Variants in SOX5 observed in about 807,000 individuals in gnomAD.
The protein encoded by SOX5 is transcription factor SOX-5.
Under a neutral mutation model 92.0 loss-of-function variants are expected in SOX5, and 9 were observed. That is an observed-to-expected ratio of 0.10 (90% confidence interval 0.06 to 0.17). The LOEUF (loss-of-function observed/expected upper bound fraction) is 0.17. SOX5 is among the 10% of genes least tolerant of loss of function. The pLI is 1.00. For synonymous variants in SOX5, 344 were observed against 336.3 expected (o/e 1.02, Z -0.25); for missense variants, 642 against 944.5 (o/e 0.68, Z 4.20).
At chr12:24,098,210 T>C (rs1436424954) in intron 4 of SOX5, among the ~76,000 whole-genome samples, 2 of 152,252 alleles carry the variant, frequency 1.3e-5, no homozygotes, top group East Asian at 3.9e-4. Context: ...TGGAGTTAAC[T>C]AAAGCAATAT....
At chr12:23,881,141 C>T (rs555593955) in intron 2 of SOX5, among the ~76,000 whole-genome samples, 1 of 152,278 alleles carries the variant, frequency 6.6e-6, no homozygotes, top group South Asian at 2.1e-4. Context: ...CACTGTTTAA[C>T]AGTGTGCTGC....
intron 6 of SOX5, among the ~76,000 whole-genome samples, chr12:23,688,969 C>T (rs1170012569): frequency 6.6e-6 from 1 of 152,066 alleles, no homozygotes; most frequent in Admixed American, 6.6e-5. Context: ...CCCATCAATT[C>T]CAATATTTCA....
chr12:24,457,579 T>A (rs540658138), intron 1 of SOX5, among the ~76,000 whole-genome samples: 57 of 152,336 alleles, frequency 3.7e-4, no homozygotes, highest in African/African-American at 1.3e-3. Flanking sequence ...GGGGAAATTC[T>A]AGTATTTGTA....
chr12:24,030,572 A>T (rs1955391036), intron 4 of SOX5, among the ~76,000 whole-genome samples: 1 of 152,026 alleles, frequency 6.6e-6, no homozygotes, highest in African/African-American at 2.4e-5. Context: ...TAAATGTAAG[A>T]TGCAAAACTG....
chr12:24,346,504 T>A (rs1565952338), intron 2 of SOX5, among the ~76,000 whole-genome samples: 1 of 150,248 alleles, frequency 6.7e-6, no homozygotes, highest in Non-Finnish European at 1.5e-5. Context: ...TAGGCTGGAG[T>A]GCAGTGGCGT....
chr12:24,493,631 G>A (rs375801625), intron 1 of SOX5, among the ~76,000 whole-genome samples: 4 of 152,082 alleles, frequency 2.6e-5, no homozygotes, highest in East Asian at 1.9e-4. Flanking sequence ...TTGGGAGGCC[G>A]AGGCAGGAGG....
chr12:23,898,562 A>G (rs990888249), intron 1 of SOX5, among the ~76,000 whole-genome samples: 6 of 152,218 alleles, frequency 3.9e-5, no homozygotes, highest in Non-Finnish European at 5.9e-5. Context: ...CCAAAAGTAG[A>G]CACAGGTTGT....
intron 9 of SOX5, among the ~76,000 whole-genome samples, chr12:23,593,530 G>C (rs1951880547): frequency 6.6e-6 from 1 of 152,084 alleles, no homozygotes; most frequent in Non-Finnish European, 1.5e-5. Flanking sequence ...GTACATTAGT[G>C]AATGTGAAAA....
intron 4 of SOX5, among the ~76,000 whole-genome samples, chr12:24,076,085 TG>T (rs1414973788): frequency 1.3e-5 from 2 of 152,072 alleles, no homozygotes; most frequent in Non-Finnish European, 2.9e-5. Context: ...AATGAGAGAG[TG>T]TTTTTTGTCG....
intron 4 of SOX5, among the ~76,000 whole-genome samples, chr12:23,961,769 C>T (rs939561734): frequency 2.0e-5 from 3 of 152,096 alleles, no homozygotes; most frequent in African/African-American, 7.2e-5. Flanking sequence ...CACTCTTTAC[C>T]AGAAGAAAAA....
At chr12:24,490,009 A>C (rs1946889450) in intron 1 of SOX5, among the ~76,000 whole-genome samples, 1 of 152,246 alleles carries the variant, frequency 6.6e-6, no homozygotes, top group African/African-American at 2.4e-5. Flanking sequence ...TACAGAAGGC[A>C]AAATCAGCGT....
intron 3 of SOX5, among the ~76,000 whole-genome samples, chr12:24,230,382 C>G (rs1037363890): frequency 6.6e-6 from 1 of 151,906 alleles, no homozygotes; most frequent in Non-Finnish European, 1.5e-5. Context: ...AGCTATTTAC[C>G]GGTAGAAAAA....
intron 4 of SOX5, among the ~76,000 whole-genome samples, chr12:24,176,977 G>GTTTT (rs11295163): frequency 1.5e-5 from 2 of 135,132 alleles, no homozygotes; most frequent in African/African-American, 2.8e-5. Flanking sequence ...TTTGTTTTTT[G>GTTTT]TTTTTTTTTT....
chr12:24,394,067 C>T (rs1279189019), intron 1 of SOX5, among the ~76,000 whole-genome samples: 1 of 152,132 alleles, frequency 6.6e-6, no homozygotes, highest in Non-Finnish European at 1.5e-5. Flanking sequence ...TCGGAAGAGA[C>T]TGCCTGGGTC....
chr12:23,815,100 T>A (rs1196518243), intron 3 of SOX5, among the ~76,000 whole-genome samples: 1 of 152,190 alleles, frequency 6.6e-6, no homozygotes, highest in Non-Finnish European at 1.5e-5. Flanking sequence ...GTCATTCCTG[T>A]TAGAATCAAA....
rs558420490 is a variant in SOX5 at position 23,585,606 on chromosome 12, G to A, written c.1165-9768C>T. 1.4e-4 allele frequency among the ~76,000 whole-genome samples: 21 copies of A among 152,294 alleles called. No homozygotes were observed. In the East Asian group the frequency reaches 3.7e-3, roughly 27 times the overall value. ...GACTGAGTTCCACTGTTCAGGTTAAGAGCAGTACAGTAATAGTGATATAGG... is the reference window on the plus strand; with the variant it reads ...GACTGAGTTCCACTGTTCAGGTTAAAAGCAGTACAGTAATAGTGATATAGG... On this transcript the variant is annotated intron_variant, in intron 9 of 14. Transcript: ENST00000451604.
intron 2 of SOX5, among the ~76,000 whole-genome samples, chr12:24,317,571 C>A (rs1949812210): frequency 6.6e-6 from 1 of 152,162 alleles, no homozygotes; most frequent in South Asian, 2.1e-4. Context: ...GGCATTCTTT[C>A]CACTGTTGCT....
chr12:23,678,025 A>G (rs2085989273), intron 6 of SOX5, among the ~76,000 whole-genome samples: 1 of 152,148 alleles, frequency 6.6e-6, no homozygotes, highest in African/African-American at 2.4e-5. Context: ...TAACTATACC[A>G]TAGCTAAGGA....
intron 4 of SOX5, among the ~76,000 whole-genome samples, chr12:24,012,794 G>C (rs543289888): frequency 3.2e-4 from 49 of 152,214 alleles, no homozygotes; most frequent in African/African-American, 1.1e-3. Context: ...GATACCTAAG[G>C]TCTTGGGTGA....
Sources: gnomAD v4.1 joint callset for allele counts (sites outside exome capture counted in the v4.1 genomes callset) on GRCh38, gnomAD v4.1.1 for gene constraint, MANE v1.5 for transcripts, NCBI Gene and HGNC (gene_info 2026-07-23, HGNC 2026-07-21) for gene names.